TMPRSS9: variants seen among roughly 807,000 people sequenced by gnomAD.
TMPRSS9 encodes the protein transmembrane serine protease 9.
TMPRSS9 carries 113 observed loss-of-function variants against 111.4 expected under a neutral mutation model. The observed-to-expected ratio is 1.01, with a 90% CI of 0.87 to 1.19. TMPRSS9 has a LOEUF of 1.19. TMPRSS9 is among the 50% of genes most tolerant of loss of function. TMPRSS9 has a pLI of 0.00. For missense variants in TMPRSS9, 1,803 were observed against 1,513.1 expected, an observed-to-expected ratio of 1.19 and a Z score of -3.18; for synonymous variants, 805 against 659.1, an observed-to-expected ratio of 1.22 and a Z score of -3.39.
At chr19:2,418,377 C>T (rs1325496941) in intron 13 of TMPRSS9, among the ~76,000 whole-genome samples, 1 of 56,968 alleles carries the variant, frequency 1.8e-5, no homozygotes, top group African/African-American at 8.7e-5. Flanking sequence ...CCTTCCCTCC[C>T]TCCCTTTCCT....
chr19:2,417,627 A>G (rs1304877890), intron 12 of TMPRSS9, among the ~76,000 whole-genome samples: 1 of 152,076 alleles, frequency 6.6e-6, no homozygotes, highest in Non-Finnish European at 1.5e-5. Flanking sequence ...CAGCCTGGGC[A>G]ACAGAGCAAG....
chr19:2,403,991 C>CA (rs924148287), intron 6 of TMPRSS9, among the ~76,000 whole-genome samples: 2,433 of 49,842 alleles, frequency 0.049, 58 homozygotes, highest in East Asian at 0.17. Flanking sequence ...GACTCTGTCT[C>CA]AAAAAAAAAA....
At chr19:2,382,657 A>G (rs941161652) in intron 1 of TMPRSS9, among the ~76,000 whole-genome samples, 3 of 142,456 alleles carry the variant, frequency 2.1e-5, no homozygotes, top group Non-Finnish European at 3.1e-5. Context: ...ATGCACACAT[A>G]CACACATGCA....
At chr19:2,391,022 A>G (rs899094810) in intron 1 of TMPRSS9, among the ~76,000 whole-genome samples, 4 of 125,416 alleles carry the variant, frequency 3.2e-5, no homozygotes, top group African/African-American at 1.2e-4. Context: ...CAAGAAAGAA[A>G]GAAAGAAAGA....
At chr19:2,413,655 C>T in intron 9 of TMPRSS9, 45 bp from the exon 11 acceptor site, 1 of 1,560,634 alleles carries the variant, frequency 6.4e-7, no homozygotes, top group Non-Finnish European at 8.7e-7. Flanking sequence ...GGTGTCTGGA[C>T]TGGCTGCTGC....
At chr19:2,411,671 C>A (rs1486611867) in intron 9 of TMPRSS9, among the ~76,000 whole-genome samples, 1 of 152,100 alleles carries the variant, frequency 6.6e-6, no homozygotes, top group Non-Finnish European at 1.5e-5. Flanking sequence ...CATGCCTCAG[C>A]CTCCCGAGTA....
At chr19:2,424,099 G>C in exon 15 of TMPRSS9, 2 of 1,306,326 alleles carry the variant, frequency 1.5e-6, no homozygotes, top group African/African-American at 3.1e-5. Context: ...ACTGTGGCCT[G>C]GCGCCGGCCG....
chr19:2,368,773 A>AGTT (rs1970265874), intron 1 of TMPRSS9, among the ~76,000 whole-genome samples: 1 of 60,228 alleles, frequency 1.7e-5, no homozygotes, highest in African/African-American at 7.4e-5. Flanking sequence ...GGATAAACCC[A>AGTT]GTTTTTTTTT....
intron 1 of TMPRSS9, among the ~76,000 whole-genome samples, chr19:2,371,611 C>A (rs568688506): frequency 6.6e-6 from 1 of 151,902 alleles, no homozygotes; most frequent in Non-Finnish European, 1.5e-5. Flanking sequence ...GCAGGAGAAT[C>A]GGTTGAACCC....
At position 2,380,249 on chromosome 19, in the gene TMPRSS9, A is replaced by G. The variant is rs897568873; in HGVS notation, c.-25-9512A>G. On this transcript the variant is annotated intron_variant, in intron 1 of 17. Transcript: ENST00000649857. ...CAATGAGCTACAATTGTGCCACTGC[A>G]CCCTAGCCTGGGTCACAGAGTGAAA... Among the ~76,000 whole-genome samples, 3 of 151,762 alleles carry G rather than the reference A, an allele frequency of 2.0e-5. No individual in the cohort carries two copies. The East Asian group carries it at 5.8e-4, about 29-fold the overall frequency.
At chr19:2,361,170 GT>G (rs1970192999) in intron 1 of TMPRSS9, among the ~76,000 whole-genome samples, 1 of 85,562 alleles carries the variant, frequency 1.2e-5, no homozygotes, top group Non-Finnish European at 2.6e-5. Context: ...TGAGTCTGGG[GT>G]GTGGTGCGGG....
rs529240276 is a variant in TMPRSS9 at position 2,416,529 on chromosome 19, T to A, written c.1746-9T>A. The A allele has an allele frequency of 6.3e-7, 1 of 1,599,752 alleles. No individual in the cohort carries two copies. The highest frequency in any genetic ancestry group is 1.1e-5 in the South Asian group (1 of 90,702). On this transcript the variant is annotated splice_polypyrimidine_tract_variant and intron_variant, in intron 11 of 17. Transcript: ENST00000648592. Reference sequence around the variant, plus strand: ...AGGGCAGGCATGTCTGAGGGCCCTGTCTCCATAGCACGAAGGTGGAGCAGG... The same window carrying A: ...AGGGCAGGCATGTCTGAGGGCCCTGACTCCATAGCACGAAGGTGGAGCAGG...
chr19:2,408,315 C>G lies in TMPRSS9; in HGVS notation c.843-41C>G, dbSNP rs200905751. 4.3e-5 allele frequency: 69 copies of G among 1,597,358 alleles called. No individual in the cohort carries two copies. The African/African-American group carries it at 8.7e-4, about 20-fold the overall frequency. The stretch of plus-strand genomic sequence containing the variant: ...GTCCCGTCTGCCTCCCCCGACGGCT[C>G]TGACCCTCGGTGGCTTCTGAGCTGG... On this transcript the variant is annotated intron_variant, in intron 7 of 17. Transcript: ENST00000648592.
rs1555676513 is a variant in TMPRSS9, at chr19:2,379,615, C to CTCTTTCTTCCTTTCTT, written c.-25-10138_-25-10137insCCTTTCTTTCTTTCTT. On this transcript the variant is annotated intron_variant, in intron 1 of 17. Transcript: ENST00000649857. ...GACATTCCCTAAACTAACTTTCTTT[C>CTCTTTCTTCCTTTCTT]TCTTTCTTTCTTTCTTTCTTTCTTT... is the stretch of plus-strand genomic sequence containing the variant. 1.2e-3 allele frequency among the ~76,000 whole-genome samples: 148 copies of CTCTTTCTTCCTTTCTT among 118,618 alleles called. 1 individual carries two copies. The highest frequency in any genetic ancestry group is 4.5e-3 in the African/African-American group (143 of 31,452). The allele number at this position is 118,618 out of a possible 152,430, so 77.8% of individuals were successfully genotyped here. A position where few individuals can be genotyped will look rare whatever the true frequency, so the allele number is the denominator to read the frequency against.
chr19:2,399,319 C>T (rs1002587214), intron 4 of TMPRSS9, 126 bp downstream of exon 5: 31 of 1,292,402 alleles, frequency 2.4e-5, no homozygotes, highest in Admixed American at 5.9e-5. Context: ...TGTGGTGGCT[C>T]ATGCCTGCAA....
chr19:2,414,085 C>T (rs979660111), intron 10 of TMPRSS9, 67 bp downstream of exon 11: 10 of 1,414,046 alleles, frequency 7.1e-6, no homozygotes, highest in Non-Finnish European at 9.4e-6. Context: ...GAACGGATAT[C>T]GTCATAGTAT....
At chr19:2,414,322 C>A (rs1436659743) in intron 10 of TMPRSS9, 1 of 212,758 alleles carries the variant, frequency 4.7e-6, no homozygotes, top group East Asian at 1.0e-4. Flanking sequence ...TCACTGCAAC[C>A]TCCGCCTCCC....
chr19:2,415,378 G>A (rs1971205057), intron 10 of TMPRSS9, among the ~76,000 whole-genome samples: 1 of 152,088 alleles, frequency 6.6e-6, no homozygotes, highest in African/African-American at 2.4e-5. Context: ...CATAAACCTG[G>A]CTTTGTGGGC....
In TMPRSS9 at chr19:2,396,617, G is replaced by A. The variant is rs201998125; in HGVS notation, c.221G>A (p.Arg74Gln). 2.1e-5 allele frequency: 33 copies of A among 1,603,460 alleles called. No homozygotes were observed. In the East Asian group the frequency reaches 2.3e-4, roughly 11 times the overall value. Reference sequence around the variant, plus strand: ...ATCCGGTGGACCAGCAGTTTGCGGCGGGAGACCTCGGACTATCACCGCACG... The same window carrying A: ...ATCCGGTGGACCAGCAGTTTGCGGCAGGAGACCTCGGACTATCACCGCACG... Residue 74 changes from arginine to glutamine, a missense_variant, in exon 2 of 18, where the codon CGG (arginine) becomes CAG (glutamine). By Grantham distance (43) the Arg-to-Gln change is conservative. Coordinates refer to ENST00000648592, the Ensembl canonical transcript of TMPRSS9.
Sources: allele counts gnomAD v4.1 joint callset (sites outside exome capture counted in the v4.1 genomes callset), GRCh38; gene constraint gnomAD v4.1.1; transcripts MANE v1.5; gene names NCBI Gene and HGNC (gene_info 2026-07-23, HGNC 2026-07-21).